MZT2A: variants seen among roughly 807,000 people sequenced by gnomAD.
MZT2A encodes mitotic-spindle organizing protein 2A.
A neutral mutation model predicts 12.4 loss-of-function variants in MZT2A; 8 were observed. The observed-to-expected ratio is 0.64, with a 90% CI of 0.38 to 1.16. MZT2A has a LOEUF of 1.16. Among genes scored for constraint, MZT2A ranks in the 50% most tolerant of loss-of-function variants. MZT2A has a pLI of 0.01. For synonymous variants in MZT2A, 88 were observed against 107.5 expected, an observed-to-expected ratio of 0.82 and a Z score of 1.12; for missense variants, 181 against 223.6, an observed-to-expected ratio of 0.81 and a Z score of 1.22.
chr2:131,473,075 C>A (rs911891920), intron 2 of MZT2A, among the ~76,000 whole-genome samples: 1 of 152,192 alleles, frequency 6.6e-6, no homozygotes, highest in African/African-American at 2.4e-5. Context: ...TTGGGTGCTA[C>A]CTCCCCATGG....
At position 131,492,023 on chromosome 2, in the gene MZT2A, T is replaced by C. The variant is rs755811558; in HGVS notation, c.172A>G (p.Ile58Val). ...TTCAGCTTCAGCAGGTCCACCAGGA[T>C]CCTGGCGGGGACAGACGCGGGGCCG... is the stretch of plus-strand genomic sequence containing the variant. ...GGGIDPDVFK[I>V]LVDLLKLNVA... Residue 58 changes from isoleucine (I) to valine (V), a missense_variant and splice_region_variant, in exon 2 of 3, where the codon ATC becomes GTC. By Grantham distance (29) the Ile-to-Val change is conservative. Transcript: ENST00000309451. 7.2e-6 allele frequency: 11 copies of C among 1,537,680 alleles called. No individual in the cohort carries two copies. In the South Asian group the frequency reaches 1.1e-4, roughly 15 times the overall value.
At chr2:131,489,372 T>C (rs1184633718) in intron 2 of MZT2A, 1 of 151,116 alleles carries the variant, frequency 6.6e-6, no homozygotes, top group African/African-American at 2.4e-5. Flanking sequence ...TGGCTAGTTT[T>C]TTTTTTTTTT....
At chr2:131,491,704 T>C in intron 2 of MZT2A, 172 bp downstream of exon 2, 1 of 834,298 alleles carries the variant, frequency 1.2e-6, no homozygotes, top group Non-Finnish European at 1.8e-6. Flanking sequence ...CTCCTAAGGC[T>C]GGCAGCGAAG....
At chr2:131,480,713 C>T (rs111626841), downstream of MZT2A, 151,128 of 1,593,788 alleles carry the variant, frequency 0.095, 12,342 homozygotes, top group African/African-American at 0.42. Flanking sequence ...CCAAGCGCAC[C>T]ATCCAGTTTG....
chr2:131,480,589 CCAAT>C (rs1660180563), downstream of MZT2A: 1 of 1,611,718 alleles, frequency 6.2e-7, no homozygotes, highest in Admixed American at 1.7e-5. Flanking sequence ...TTCGAGCCAG[CCAAT>C]CAAATGGTCA....
At chr2:131,475,319 C>CTTTTTTT (rs551443616) in intron 2 of MZT2A, among the ~76,000 whole-genome samples, 3 of 94,516 alleles carry the variant, frequency 3.2e-5, no homozygotes, top group East Asian at 4.8e-4. Context: ...TCCTTTCTTC[C>CTTTTTTT]TTTTTTTTTT....
At chr2:131,482,298 G>A (rs1678889904), downstream of MZT2A, among the ~76,000 whole-genome samples, 1 of 152,190 alleles carries the variant, frequency 6.6e-6, no homozygotes, top group African/African-American at 2.4e-5. Context: ...CCTATCACAT[G>A]TCACAGGTAC....
rs1273954910 is a variant in MZT2A, at chr2:131,488,642, T to C, written c.319+3234A>G. 5.9e-5 allele frequency among the ~76,000 whole-genome samples: 9 copies of C among 152,018 alleles called. No individual in the cohort carries two copies. In the East Asian group the frequency reaches 1.7e-3, roughly 29 times the overall value. ...AGCTCTGTGTGGTCAGAAGCTGTAA[T>C]ATGTGGGCCTCAGAGAGCTCTCAGC... On this transcript the variant is annotated intron_variant, in intron 2 of 2. Transcript: ENST00000309451.
In MZT2A at chr2:131,484,097, G is replaced by T. The variant is rs925250320; in HGVS notation, c.441C>A (p.Gly147=). The T allele has an allele frequency of 6.2e-7, 1 of 1,613,544 alleles. No homozygotes were observed. The highest frequency in any genetic ancestry group is 2.2e-5 in the East Asian group (1 of 44,866). Reference sequence around the variant, plus strand: ...CCTGCGTAGGGCTCTTCCCAGGCCCGCCCCCCTTGGGCAGCCTGGTAGCGC... The same window carrying T: ...CCTGCGTAGGGCTCTTCCCAGGCCCTCCCCCCTTGGGCAGCCTGGTAGCGC... The part of the protein sequence containing the change: ...QPSATRLPKG[G]GPGKSPTQGS... Residue 147 remains glycine (G), a synonymous_variant, in exon 3 of 3, where the codon GGC becomes GGA. Coordinates refer to ENST00000309451, the MANE Select transcript of MZT2A (RefSeq NM_001085365.2).
In MZT2A at chr2:131,490,227, G is replaced by A. The variant is rs1220390769; in HGVS notation, c.319+1649C>T. The A allele has an allele frequency of 2.4e-5, 20 of 823,172 alleles. No homozygotes were observed. The East Asian group carries it at 1.4e-3, about 56-fold the overall frequency. The allele number at this position is 823,172 out of a possible 1,614,324, so 51.0% of individuals were successfully genotyped here. On this transcript the variant is annotated intron_variant, in intron 2 of 2. Transcript: ENST00000309451. The stretch of plus-strand genomic sequence containing the variant: ...ACTCAGGAGTGAGGCGGGCAAGGGG[G>A]CTGAGTGCTGGAGTGTGGCCATGGG...
At chr2:131,480,893 A>T, downstream of MZT2A, 1 of 1,224,730 alleles carries the variant, frequency 8.2e-7, no homozygotes, top group Non-Finnish European at 1.1e-6. Flanking sequence ...CAGAGTTGAT[A>T]ATTGATTCAG....
upstream of MZT2A, chr2:131,492,423 G>C (rs897388917): frequency 4.1e-6 from 5 of 1,210,324 alleles, no homozygotes; most frequent in African/African-American, 8.0e-5. Context: ...GCGCCCCCTA[G>C]CGGATGCGCC....
At chr2:131,483,366 CAGA>C (rs1382712348), downstream of MZT2A, among the ~76,000 whole-genome samples, 1 of 152,106 alleles carries the variant, frequency 6.6e-6, no homozygotes. Context: ...TCGTGACCCA[CAGA>C]AGGTCACAAC....
At chr2:131,493,005 G>A (rs2272359), upstream of MZT2A, 2 of 1,498,976 alleles carry the variant, frequency 1.3e-6, no homozygotes, top group East Asian at 2.5e-5. Flanking sequence ...TTGAGGTAAC[G>A]GCCCAAAGAG....
At position 131,491,813 on chromosome 2, in the gene MZT2A, G is replaced by A. The variant is rs1679322630; in HGVS notation, c.319+63C>T. The A allele has an allele frequency of 1.2e-5, 17 of 1,376,766 alleles. 1 individual carries two copies. The highest frequency in any genetic ancestry group is 4.5e-5 in the Admixed American group (2 of 44,634). The allele number at this position is 1,376,766 out of a possible 1,614,324, so 85.3% of individuals were successfully genotyped here. On this transcript the variant is annotated intron_variant, in intron 2 of 2. Transcript: ENST00000309451. ...CAGGGCCACGCCGCCGCTGTGCCGC[G>A]CCTGCCCCCTCCCCGCCCGCCACCC...
chr2:131,479,601 A>G (rs532039936), downstream of MZT2A: 29 of 1,475,028 alleles, frequency 2.0e-5, no homozygotes, highest in South Asian at 3.8e-4. Context: ...GCACTTTGGG[A>G]GGCTAAAGCG....
downstream of MZT2A, chr2:131,479,362 C>T: frequency 1.9e-6 from 3 of 1,614,150 alleles, no homozygotes; most frequent in Non-Finnish European, 2.5e-6. Flanking sequence ...CAGCTGATCA[C>T]CGGGAAGGAA....
Position 131,484,180 on chromosome 2 carries a change from C to A in MZT2A, c.358G>T (p.Ala120Ser). The A allele has an allele frequency of 6.2e-7, 1 of 1,614,116 alleles. No homozygotes were observed. The highest frequency in any genetic ancestry group is 8.5e-7 in the Non-Finnish European group (1 of 1,179,978). Residue 120 changes from alanine (A) to serine (S), a missense_variant, in exon 3 of 3, where the codon GCC becomes TCC. Physicochemically the swap from Ala to Ser is moderately conservative, Grantham distance 99. Transcript: ENST00000309451. ...KGSAALGGVLALAERSNHEGS... is the reference protein window; with the variant it reads ...KGSAALGGVLSLAERSNHEGS... ...TCGTGGTTGCTGCGTTCCGCCAGGG[C>A]CAATACTCCCCCGAGGGCAGCGCTG...
chr2:131,484,283 C>T lies in MZT2A; in HGVS notation c.320-65G>A, dbSNP rs1678966428. ...CCCCATAAATGCAGCACCTGCTGTA[C>T]TCGTGCTCCTTGGGCAACATTTGTG... On this transcript the variant is annotated intron_variant, in intron 2 of 2. Transcript: ENST00000309451. 7 of 1,583,624 alleles carry T rather than the reference C, an allele frequency of 4.4e-6. No individual in the cohort carries two copies. In the South Asian group the frequency reaches 5.6e-5, roughly 13 times the overall value.
Sources: allele counts gnomAD v4.1 joint callset (sites outside exome capture counted in the v4.1 genomes callset), GRCh38; gene constraint gnomAD v4.1.1; transcripts MANE v1.5; gene names NCBI Gene and HGNC (gene_info 2026-07-23, HGNC 2026-07-21).